The following LIMS1 variants were observed in gnomAD, a reference collection of about 807,000 sequenced individuals.
LIMS1 encodes the protein LIM zinc finger domain containing 1, also known as LIM and senescent cell antigen-like-containing domain protein 1.
Under a neutral mutation model 44.1 loss-of-function variants are expected in LIMS1, and 18 were observed. That is an observed-to-expected ratio of 0.41 (90% confidence interval 0.28 to 0.61). The LOEUF is 0.61. LIMS1 is among the 20% of genes least tolerant of loss of function. The probability of loss-of-function intolerance (pLI) is 0.32; values close to 1 mark genes in which losing one functional copy is unlikely to be tolerated. For synonymous variants in LIMS1, 93 were observed against 149.1 expected, an observed-to-expected ratio of 0.62 and a Z score of 2.74; for missense variants, 201 against 422.0, an observed-to-expected ratio of 0.48 and a Z score of 4.59.
chr2:108,671,155 C>T, intron 3 of LIMS1: 2 of 423,582 alleles, frequency 4.7e-6, no homozygotes, highest in Non-Finnish European at 8.6e-6. Context: ...TGGGCAACAG[C>T]AAAACTCCAT....
intron 1 of LIMS1, among the ~76,000 whole-genome samples, chr2:108,628,010 G>A (rs1573489161): frequency 6.6e-6 from 1 of 152,334 alleles, no homozygotes; most frequent in South Asian, 2.1e-4. Context: ...TGTCAGCAGG[G>A]CCATGCCCCC....
At chr2:108,600,864 A>C (rs1686969084) in intron 1 of LIMS1, among the ~76,000 whole-genome samples, 1 of 147,368 alleles carries the variant, frequency 6.8e-6, no homozygotes, top group Admixed American at 6.6e-5. Flanking sequence ...CTGTTTTGTG[A>C]ATCCACATAA....
At chr2:108,637,099 A>ATATGTGTGTG (rs372431532) in intron 1 of LIMS1, among the ~76,000 whole-genome samples, 15 of 98,606 alleles carry the variant, frequency 1.5e-4, no homozygotes, top group African/African-American at 4.9e-4. Context: ...ATATACATAT[A>ATATGTGTGTG]TGTGTGTGTG....
chr2:108,630,212 A>AAAAG (rs1480429397), intron 1 of LIMS1, among the ~76,000 whole-genome samples: 5 of 137,214 alleles, frequency 3.6e-5, no homozygotes, highest in East Asian at 2.2e-4. Flanking sequence ...AAAAAAAAAA[A>AAAAG]AAAGAAAGAA....
At chr2:108,573,737 A>T (rs1310276163) in intron 1 of LIMS1, among the ~76,000 whole-genome samples, 1 of 152,216 alleles carries the variant, frequency 6.6e-6, no homozygotes, top group East Asian at 1.9e-4. Context: ...ATAGTGTATC[A>T]GATGGTGATG....
chr2:108,574,038 C>A (rs1295525411), intron 1 of LIMS1, among the ~76,000 whole-genome samples: 1 of 149,742 alleles, frequency 6.7e-6, no homozygotes, highest in Non-Finnish European at 1.5e-5. Flanking sequence ...TGAATCCCCC[C>A]TCCCCCCCAC....
At chr2:108,618,307 G>A (rs1234201817) in intron 1 of LIMS1, among the ~76,000 whole-genome samples, 1 of 152,152 alleles carries the variant, frequency 6.6e-6, no homozygotes, top group East Asian at 1.9e-4. Flanking sequence ...CTTTTAAATA[G>A]GGCCTGATCT....
chr2:108,670,767 A>ACC lies in LIMS1; in HGVS notation c.193-12_193-11dup, dbSNP rs773059867. On this transcript the variant is annotated splice_polypyrimidine_tract_variant and intron_variant, in intron 2 of 9. Transcript: ENST00000544547. ...TGTTTCGTGTTTGTAAGTTGGTGGT[A>ACC]CCCTCTCTTTCAGTTTGAAGGAAGA... is the stretch of plus-strand genomic sequence containing the variant. 2 of 1,611,922 alleles carry ACC rather than the reference A, an allele frequency of 1.2e-6. No homozygotes were observed. Among genetic ancestry groups the ACC allele is most frequent in the Non-Finnish European group, 1.7e-6 (2 of 1,179,844 alleles).
intron 1 of LIMS1, among the ~76,000 whole-genome samples, chr2:108,618,993 C>G (rs958665722): frequency 7.4e-6 from 1 of 135,278 alleles, no homozygotes; most frequent in Admixed American, 7.2e-5. Flanking sequence ...ATTGTTTCAG[C>G]TCGTTTGTTT....
intron 1 of LIMS1, among the ~76,000 whole-genome samples, chr2:108,587,414 G>A (rs1342747731): frequency 6.7e-6 from 1 of 150,134 alleles, no homozygotes; most frequent in Admixed American, 6.7e-5. Flanking sequence ...GCCTAGTCTG[G>A]GCCTGAACTC....
chr2:108,572,500 A>G (rs1685515040), intron 1 of LIMS1, among the ~76,000 whole-genome samples: 1 of 149,638 alleles, frequency 6.7e-6, no homozygotes, highest in African/African-American at 2.5e-5. Context: ...CTCCTGCCTC[A>G]GCCTCCTGAG....
intron 1 of LIMS1, among the ~76,000 whole-genome samples, chr2:108,574,163 G>T (rs1379277723): frequency 1.3e-5 from 2 of 152,120 alleles, no homozygotes; most frequent in African/African-American, 4.8e-5. Context: ...TTTCCTAAGG[G>T]TATGAAGTAC....
intron 1 of LIMS1, among the ~76,000 whole-genome samples, chr2:108,540,547 T>TATATAGTGCAAAA (rs1684284198): frequency 2.0e-5 from 3 of 152,198 alleles, no homozygotes; most frequent in Admixed American, 2.0e-4. Flanking sequence ...TGGTAGTATT[T>TATATAGTGCAAAA]ATATAGTGCA....
chr2:108,621,106 T>C (rs1047778193), intron 1 of LIMS1: 3 of 462,936 alleles, frequency 6.5e-6, no homozygotes, highest in Admixed American at 3.4e-5. Context: ...TAACCTGCCT[T>C]CTTGGTCACC....
At chr2:108,570,941 T>A (rs2104631351) in intron 1 of LIMS1, among the ~76,000 whole-genome samples, 1 of 152,352 alleles carries the variant, frequency 6.6e-6, no homozygotes, top group African/African-American at 2.4e-5. Context: ...ACATAGCTTT[T>A]GGTCTAATGT....
At chr2:108,665,629 C>T (rs1347293992) in intron 2 of LIMS1, among the ~76,000 whole-genome samples, 1 of 152,032 alleles carries the variant, frequency 6.6e-6, no homozygotes. Context: ...TGGATTCAAG[C>T]GATTCTCCTG....
Position 108,618,268 on chromosome 2 carries a change from G to A in LIMS1, c.33-41337G>A, listed in dbSNP as rs550086134. ...CCTCCCTCTGTACTGTCAAAATCAT[G>A]CTAAGACAGTTATTTGAAATTTGAA... On this transcript the variant is annotated intron_variant, in intron 1 of 9. Coordinates refer to ENST00000544547, the Ensembl canonical transcript of LIMS1. Among the ~76,000 whole-genome samples the A allele has an allele frequency of 5.3e-5, 8 of 152,286 alleles. No homozygotes were observed. The East Asian group carries it at 1.4e-3, about 26-fold the overall frequency.
At chr2:108,628,423 G>A (rs1239956722) in intron 1 of LIMS1, among the ~76,000 whole-genome samples, 1 of 152,172 alleles carries the variant, frequency 6.6e-6, no homozygotes, top group Non-Finnish European at 1.5e-5. Flanking sequence ...ACTAGCACCA[G>A]TTTAAACTAG....
intron 1 of LIMS1, among the ~76,000 whole-genome samples, chr2:108,554,624 AG>A (rs1684860812): frequency 6.6e-6 from 1 of 152,188 alleles, no homozygotes; most frequent in South Asian, 2.1e-4. Context: ...TGGATGCCTC[AG>A]GGTAATTTGT....
Sources: gnomAD v4.1 joint callset for allele counts (sites outside exome capture counted in the v4.1 genomes callset) on GRCh38, gnomAD v4.1.1 for gene constraint, MANE v1.5 for transcripts, NCBI Gene and HGNC (gene_info 2026-07-23, HGNC 2026-07-21) for gene names.